The following LTC4S variants were observed in gnomAD, a reference collection of about 807,000 sequenced individuals.
LTC4S encodes leukotriene C4 synthase, also known as LTC4 synthase.
LTC4S carries 18 observed loss-of-function variants against 19.6 expected under a neutral mutation model. The ratio of observed to expected loss-of-function variants is 0.92; its 90% CI spans 0.64 to 1.36. LTC4S has a LOEUF of 1.36. Among genes scored for constraint, LTC4S ranks in the 40% most tolerant of loss-of-function variants. The pLI, the probability that LTC4S is intolerant of heterozygous loss-of-function variation, is 0.00. For missense variants in LTC4S, 235 were observed against 212.2 expected (o/e 1.11, Z -0.67); for synonymous variants, 126 against 110.1 (o/e 1.14, Z -0.91).
At chr5:179,795,524 A>C in intron 1 of LTC4S, 60 bp from the exon 2 acceptor site, 2 of 1,552,552 alleles carry the variant, frequency 1.3e-6, no homozygotes, top group South Asian at 2.4e-5. Context: ...GATCCCTCCC[A>C]CTCCCATCTC....
rs1278193872 is a variant in LTC4S, at chr5:179,795,979, C to T, written c.268C>T (p.Arg90Cys). 3 of 1,542,486 alleles carry T rather than the reference C, an allele frequency of 1.9e-6. No homozygotes were observed. The highest frequency in any genetic ancestry group is 2.7e-5 in the African/African-American group (2 of 73,142). Residue 90 changes from arginine (R) to cysteine (C), a missense_variant, in exon 4 of 5, where the codon CGC becomes TGC. Transcript: ENST00000292596. ...ALCGLVYLFA[R>C]LRYFQGYARS... Reference sequence around the variant, plus strand: ...GTGCGGCCTGGTCTACCTGTTCGCGCGCCTCCGCTACTTCCAGGGCTACGC... The same window carrying T: ...GTGCGGCCTGGTCTACCTGTTCGCGTGCCTCCGCTACTTCCAGGGCTACGC...
rs536474288 is a variant in LTC4S at position 179,796,369 on chromosome 5, T to C, written c.428T>C (p.Leu143Pro). ...AALRAALLGR[L>P]RTLLPWA ...CTGCGCGCCGCGCTCCTCGGACGGC[T>C]CCGGACGCTGCTGCCGTGGGCCTGA... is the stretch of plus-strand genomic sequence containing the variant. Residue 143 changes from leucine (L) to proline (P), a missense_variant, in exon 5 of 5, where the codon CTC becomes CCC. By Grantham distance (98) the Leu-to-Pro change is moderately conservative. Coordinates refer to ENST00000292596, the MANE Select transcript of LTC4S (RefSeq NM_145867.2). 6.7e-7 allele frequency: 1 copy of C among 1,497,520 alleles called. No individual in the cohort carries two copies. The highest frequency in any genetic ancestry group is 8.8e-7 in the Non-Finnish European group (1 of 1,131,146). 92.8% of individuals were successfully genotyped at this position (1,497,520 alleles called of 1,614,324 possible). A position where few individuals can be genotyped will look rare whatever the true frequency, so the allele number is the denominator to read the frequency against.
intron 4 of LTC4S, 77 bp from the exon 5 acceptor site, chr5:179,796,176 G>A: frequency 7.7e-7 from 1 of 1,292,510 alleles, no homozygotes; most frequent in Non-Finnish European, 1.0e-6. Flanking sequence ...GCCAGAGGAA[G>A]TCCCCGTGGG....
At chr5:179,794,766 A>G (rs899210851) in intron 1 of LTC4S, among the ~76,000 whole-genome samples, 5 of 152,166 alleles carry the variant, frequency 3.3e-5, no homozygotes, top group South Asian at 4.1e-4. Flanking sequence ...TGCAGGACTC[A>G]GGGGGAGATG....
Position 179,795,864 on chromosome 5 carries a change from T to G in LTC4S, c.229+8T>G. On this transcript the variant is annotated splice_region_variant and intron_variant, in intron 3 of 4. Transcript: ENST00000292596. ...GCATCTTCTTTCATGAAGGTCGGGG[T>G]GTGGGGCAGGGGCGCACGCGCTGGA... is the stretch of plus-strand genomic sequence containing the variant. 6.2e-7 allele frequency: 1 copy of G among 1,603,740 alleles called. No individual in the cohort carries two copies. The highest frequency in any genetic ancestry group is 1.1e-5 in the South Asian group (1 of 90,324).
At chr5:179,795,738 T>A in intron 2 of LTC4S, 48 bp from the exon 3 acceptor site, 1 of 1,561,274 alleles carries the variant, frequency 6.4e-7, no homozygotes, top group Non-Finnish European at 8.7e-7. Context: ...CGGGTCCGGG[T>A]CGCAGGACCA....
Position 179,795,819 on chromosome 5 carries a change from C to G in LTC4S, c.192C>G (p.Leu64=). 1 of 1,606,372 alleles carries G rather than the reference C, an allele frequency of 6.2e-7. No homozygotes were observed. The highest frequency in any genetic ancestry group is 8.5e-7 in the Non-Finnish European group (1 of 1,178,132). Residue 64 remains leucine (L), a synonymous_variant, in exon 3 of 5, where the codon CTC becomes CTG. Transcript: ENST00000292596. ...GCAGCGAGTACTTCCCGCTGTTCCT[C>G]GCCACGCTCTGGGTCGCCGGCATCT... The part of the protein sequence containing the change: ...VNCSEYFPLF[L]ATLWVAGIFF...
chr5:179,795,390 C>G (rs1023836716), intron 1 of LTC4S, 194 bp from the exon 2 acceptor site: 4 of 1,437,198 alleles, frequency 2.8e-6, no homozygotes, highest in Non-Finnish European at 2.7e-6. Flanking sequence ...GCCCTCCTCG[C>G]TGAATGTCAG....
chr5:179,794,996 G>C (rs1562597332), intron 1 of LTC4S, among the ~76,000 whole-genome samples: 1 of 152,192 alleles, frequency 6.6e-6, no homozygotes, highest in African/African-American at 2.4e-5. Flanking sequence ...GTCAGATTTA[G>C]GCCTGGGACC....
rs555333988 is a variant in LTC4S at position 179,795,529 on chromosome 5, C to T, written c.59-55C>T. On this transcript the variant is annotated intron_variant, in intron 1 of 4. Coordinates refer to ENST00000292596, the MANE Select transcript of LTC4S (RefSeq NM_145867.2). ...CAGATTGCAGGATCCCTCCCACTCC[C>T]ATCTCTGGGGCTTCGGGTGTCCAGA... 9.0e-6 allele frequency: 14 copies of T among 1,558,460 alleles called. No individual in the cohort carries two copies. In the African/African-American group the frequency reaches 1.9e-4, roughly 21 times the overall value.
At chr5:179,795,322 CT>C in intron 1 of LTC4S, 1 of 1,329,778 alleles carries the variant, frequency 7.5e-7, no homozygotes, top group Non-Finnish European at 9.7e-7. Context: ...ATCACTCACC[CT>C]CCCCCATACA....
chr5:179,795,668 G>A lies in LTC4S; in HGVS notation c.143G>A (p.Arg48His). The change falls in exon 2 of 5, where the codon CGC becomes CAC. Residue 48 changes from arginine (R) to histidine (H), a missense_variant. Transcript: ENST00000292596. ...PLTTGPPEFE[R>H]VYRAQVNCSE... Reference sequence around the variant, plus strand: ...ACCACCGGCCCACCCGAGTTCGAGCGCGTCTACCGAGCCCAGTGAGGCGCG... The same window carrying A: ...ACCACCGGCCCACCCGAGTTCGAGCACGTCTACCGAGCCCAGTGAGGCGCG... The A allele has an allele frequency of 6.2e-7, 1 of 1,606,154 alleles. No homozygotes were observed. The highest frequency in any genetic ancestry group is 8.5e-7 in the Non-Finnish European group (1 of 1,177,904).
intron 1 of LTC4S, chr5:179,795,203 TC>T (rs1756566550): frequency 6.7e-6 from 2 of 299,484 alleles, no homozygotes; most frequent in Non-Finnish European, 5.9e-6. Context: ...CCGAGGCACT[TC>T]CTGGCCAGGG....
intron 1 of LTC4S, chr5:179,795,220 A>G (rs1271984587): frequency 5.3e-6 from 2 of 374,714 alleles, no homozygotes; most frequent in Non-Finnish European, 8.7e-6. Flanking sequence ...CAGGGACCTG[A>G]AAGCTGCATT....
rs1054147380 is a variant in LTC4S at position 179,794,244 on chromosome 5, C to T, written c.58+106C>T. 13 of 1,427,734 alleles carry T rather than the reference C, an allele frequency of 9.1e-6. No individual in the cohort carries two copies. The African/African-American group carries it at 1.8e-4, about 20-fold the overall frequency. 88.4% of individuals were successfully genotyped at this position (1,427,734 alleles called of 1,614,324 possible). A position where few individuals can be genotyped will look rare whatever the true frequency, so the allele number is the denominator to read the frequency against. On this transcript the variant is annotated intron_variant, in intron 1 of 4. Coordinates refer to ENST00000292596, the MANE Select transcript of LTC4S (RefSeq NM_145867.2). ...GCAGAGGTGGGGACTCCAGCCCAGG[C>T]CCAAGCTGGAAGAGGGTGGGGACTT... is the stretch of plus-strand genomic sequence containing the variant.
chr5:179,794,246 C>A, intron 1 of LTC4S, 108 bp downstream of exon 1: 1 of 1,405,354 alleles, frequency 7.1e-7, no homozygotes, highest in South Asian at 1.2e-5. Context: ...AGCCCAGGCC[C>A]AAGCTGGAAG....
Position 179,794,075 on chromosome 5 carries a change from G to C in LTC4S, c.-6G>C, listed in dbSNP as rs376998290. 1.4e-5 allele frequency: 22 copies of C among 1,613,510 alleles called. No homozygotes were observed. In the African/African-American group the frequency reaches 2.8e-4, roughly 21 times the overall value. ...ACACAGCCCGTGCCACCACACCGAC[G>C]GTACCATGAAGGACGAGGTAGCTCT... On this transcript the variant is annotated 5_prime_UTR_variant, in exon 1 of 5. Transcript: ENST00000292596.
intron 2 of LTC4S, 25 bp from the exon 3 acceptor site, chr5:179,795,760 GC>G (rs1756586778): frequency 6.3e-7 from 1 of 1,576,330 alleles, no homozygotes; most frequent in Admixed American, 1.8e-5. Context: ...CCCGGCCGGC[GC>G]GCTCATCCCA....
At chr5:179,794,557 C>T (rs1261233264) in intron 1 of LTC4S, among the ~76,000 whole-genome samples, 1 of 152,238 alleles carries the variant, frequency 6.6e-6, no homozygotes, top group Non-Finnish European at 1.5e-5. Context: ...AGGACACATT[C>T]CTTGGCCAGA....
Sources: allele counts gnomAD v4.1 joint callset (sites outside exome capture counted in the v4.1 genomes callset), GRCh38; gene constraint gnomAD v4.1.1; transcripts MANE v1.5; gene names NCBI Gene and HGNC (gene_info 2026-07-23, HGNC 2026-07-21).